Variants in SLC25A26 observed in about 807,000 individuals in gnomAD.
SLC25A26 encodes the protein solute carrier family 25 member 26.
Under a neutral mutation model 37.8 loss-of-function variants are expected in SLC25A26, and 36 were observed. The ratio of observed to expected loss-of-function variants is 0.95; its 90% confidence interval spans 0.73 to 1.26. The LOEUF (loss-of-function observed/expected upper bound fraction) is 1.26. Among genes scored for constraint, SLC25A26 ranks in the 50% most tolerant of loss-of-function variants. The pLI, the probability that SLC25A26 is intolerant of heterozygous loss-of-function variation, is 0.00. For missense variants in SLC25A26, 390 were observed against 331.1 expected (o/e 1.18, Z -1.38); for synonymous variants, 129 against 122.5 (o/e 1.05, Z -0.35).
At chr3:66,194,369 T>C (rs1358949976) in intron 1 of SLC25A26, among the ~76,000 whole-genome samples, 2 of 152,198 alleles carry the variant, frequency 1.3e-5, no homozygotes, top group Non-Finnish European at 2.9e-5. Flanking sequence ...GAATTCCCAT[T>C]TATCTCTCCA....
intron 5 of SLC25A26, among the ~76,000 whole-genome samples, chr3:66,312,437 A>C (rs1251397585): frequency 6.6e-6 from 1 of 151,912 alleles, no homozygotes; most frequent in African/African-American, 2.4e-5. Flanking sequence ...GGTGGAGCCT[A>C]CTGGGCAAGA....
rs181453669 is a variant in SLC25A26 at position 66,370,459 on chromosome 3, A to T, written c.634-70A>T. The T allele has an allele frequency of 1.6e-5, 19 of 1,220,746 alleles. No individual in the cohort carries two copies. The African/African-American group carries it at 2.2e-4, about 14-fold the overall frequency. The allele number at this position is 1,220,746 out of a possible 1,614,324, so 75.6% of individuals were successfully genotyped here. ...GTGACGGGGAGCTGTGTGTCTGAGG[A>T]TATCTGAGAGGCAAGTGTGTGATTG... is the stretch of plus-strand genomic sequence containing the variant. On this transcript the variant is annotated intron_variant, in intron 8 of 9. Transcript: ENST00000354883.
chr3:66,286,787 T>G (rs2074526689), intron 5 of SLC25A26, among the ~76,000 whole-genome samples: 1 of 152,008 alleles, frequency 6.6e-6, no homozygotes, highest in South Asian at 2.1e-4. Flanking sequence ...AAATGCCACC[T>G]GAGTAGCTGG....
At chr3:66,317,682 G>T (rs527271637) in intron 5 of SLC25A26, among the ~76,000 whole-genome samples, 89 of 152,176 alleles carry the variant, frequency 5.8e-4, no homozygotes, top group Non-Finnish European at 9.3e-4. Flanking sequence ...CATCCAGGCT[G>T]CCCTGACTCT....
At chr3:66,139,621 A>G (rs2070004304) in intron 1 of SLC25A26, among the ~76,000 whole-genome samples, 1 of 152,212 alleles carries the variant, frequency 6.6e-6, no homozygotes, top group African/African-American at 2.4e-5. Context: ...ATAAATAAAC[A>G]GGGCCCTGGC....
At chr3:66,217,453 C>A (rs1270144135), upstream of SLC25A26, among the ~76,000 whole-genome samples, 2 of 152,108 alleles carry the variant, frequency 1.3e-5, no homozygotes, top group African/African-American at 4.8e-5. Context: ...ATATGACAAG[C>A]ACTGGACTAA....
intron 5 of SLC25A26, among the ~76,000 whole-genome samples, chr3:66,278,650 C>G (rs1358689328): frequency 1.3e-5 from 2 of 152,148 alleles, no homozygotes; most frequent in Non-Finnish European, 2.9e-5. Flanking sequence ...TTTCATTCCT[C>G]TGTTCATTTT....
intron 2 of SLC25A26, among the ~76,000 whole-genome samples, chr3:66,237,911 G>T (rs1213420968): frequency 6.6e-6 from 1 of 152,132 alleles, no homozygotes; most frequent in Non-Finnish European, 1.5e-5. Context: ...TGTGAGCATA[G>T]CATTCACATA....
chr3:66,339,258 T>TA (rs1160203377), intron 5 of SLC25A26, among the ~76,000 whole-genome samples: 2 of 152,076 alleles, frequency 1.3e-5, no homozygotes, highest in African/African-American at 2.4e-5. Context: ...GTGCACATTT[T>TA]AAAAATCAAG....
At chr3:66,335,674 A>G (rs778583910) in intron 5 of SLC25A26, among the ~76,000 whole-genome samples, 1 of 152,004 alleles carries the variant, frequency 6.6e-6, no homozygotes, top group Non-Finnish European at 1.5e-5. Context: ...GTTAGGTGAG[A>G]TGCTGGATGT....
At chr3:66,229,662 A>G (rs895024604) in intron 1 of SLC25A26, among the ~76,000 whole-genome samples, 7 of 152,192 alleles carry the variant, frequency 4.6e-5, no homozygotes, top group Non-Finnish European at 1.0e-4. Context: ...TTCTTTATAC[A>G]TGACCCTGTC....
At chr3:66,246,937 C>T (rs1384121810) in intron 3 of SLC25A26, among the ~76,000 whole-genome samples, 1 of 152,174 alleles carries the variant, frequency 6.6e-6, no homozygotes, top group Non-Finnish European at 1.5e-5. Flanking sequence ...TCTCGGCTCA[C>T]TGCAACCTCT....
chr3:66,367,110 C>CTGG (rs1247424935), intron 7 of SLC25A26, among the ~76,000 whole-genome samples: 3 of 152,170 alleles, frequency 2.0e-5, no homozygotes, highest in Non-Finnish European at 4.4e-5. Flanking sequence ...TGTGAGTGTG[C>CTGG]TGGTCTAAAG....
chr3:66,236,160 C>T (rs561971764), intron 1 of SLC25A26, among the ~76,000 whole-genome samples: 1 of 150,430 alleles, frequency 6.6e-6, no homozygotes, highest in Non-Finnish European at 1.5e-5. Context: ...GATCCTCCCA[C>T]CTCTGCCTCC....
At chr3:66,230,379 G>A (rs2071955492) in intron 1 of SLC25A26, among the ~76,000 whole-genome samples, 1 of 152,174 alleles carries the variant, frequency 6.6e-6, no homozygotes, top group African/African-American at 2.4e-5. Context: ...GCTTTATGAG[G>A]AATGTGGCAT....
intron 5 of SLC25A26, among the ~76,000 whole-genome samples, chr3:66,330,659 G>A: frequency 7.6e-6 from 1 of 131,554 alleles, no homozygotes; most frequent in African/African-American, 2.8e-5. Flanking sequence ...GAGTGGGTAG[G>A]CATTTTTTTT....
At chr3:66,251,968 A>G (rs2073102031) in intron 3 of SLC25A26, among the ~76,000 whole-genome samples, 1 of 143,312 alleles carries the variant, frequency 7.0e-6, no homozygotes, top group African/African-American at 2.5e-5. Flanking sequence ...GAGTTTATAG[A>G]ACACAATTAA....
At chr3:66,350,404 T>C (rs1040242381) in intron 6 of SLC25A26, among the ~76,000 whole-genome samples, 3 of 152,214 alleles carry the variant, frequency 2.0e-5, no homozygotes, top group African/African-American at 7.2e-5. Context: ...CTTCTTGCTC[T>C]TTCTCTATAT....
chr3:66,277,241 T>C (rs1400555629), intron 5 of SLC25A26, among the ~76,000 whole-genome samples: 2 of 152,160 alleles, frequency 1.3e-5, no homozygotes, highest in African/African-American at 2.4e-5. Flanking sequence ...CTGTATGATA[T>C]TGAAGCAAAT....
Sources: allele counts gnomAD v4.1 joint callset (sites outside exome capture counted in the v4.1 genomes callset), GRCh38; gene constraint gnomAD v4.1.1; transcripts MANE v1.5; gene names NCBI Gene and HGNC (gene_info 2026-07-23, HGNC 2026-07-21).